FNIP1: variants seen among roughly 807,000 people sequenced by gnomAD.
FNIP1 encodes folliculin-interacting protein 1.
Under a neutral mutation model 124.5 loss-of-function variants are expected in FNIP1, and 40 were observed. The observed-to-expected ratio is 0.32, with a 90% confidence interval of 0.25 to 0.42. The LOEUF (loss-of-function observed/expected upper bound fraction) is 0.42. Ranked by LOEUF, FNIP1 falls within the 10% of genes least tolerant of loss-of-function variation. The pLI is 1.00. For synonymous variants in FNIP1, 472 were observed against 470.6 expected (o/e 1.00, Z -0.04); for missense variants, 1,176 against 1,403.7 (o/e 0.84, Z 2.59).
At chr5:131,696,876 T>C (rs1580763676) in intron 11 of FNIP1, among the ~76,000 whole-genome samples, 1 of 152,248 alleles carries the variant, frequency 6.6e-6, no homozygotes, top group East Asian at 1.9e-4. Context: ...CTAAACATTA[T>C]GATGCATAAA....
intron 9 of FNIP1, among the ~76,000 whole-genome samples, chr5:131,705,572 T>C (rs991511966): frequency 2.6e-5 from 4 of 152,108 alleles, no homozygotes; most frequent in African/African-American, 4.8e-5. Context: ...ATGGCTATTA[T>C]CAAAAAAACA....
intron 15 of FNIP1, among the ~76,000 whole-genome samples, chr5:131,658,736 G>A (rs40990): frequency 0.63 from 95,194 of 151,464 alleles, 31,668 homozygotes; most frequent in Non-Finnish European, 0.75. Flanking sequence ...GGCTTTCAGG[G>A]GGGCAAGGGA....
intron 13 of FNIP1, among the ~76,000 whole-genome samples, chr5:131,675,254 T>C (rs1287917520): frequency 6.6e-6 from 1 of 152,200 alleles, no homozygotes; most frequent in Non-Finnish European, 1.5e-5. Context: ...TGGACAAAAG[T>C]AGGCTCCCCT....
chr5:131,649,125 T>C (rs530111974), intron 16 of FNIP1, among the ~76,000 whole-genome samples: 1 of 152,294 alleles, frequency 6.6e-6, no homozygotes, highest in South Asian at 2.1e-4. Context: ...TGAACAAGAG[T>C]ATATACTGCC....
At chr5:131,754,176 C>T (rs1461096837) in intron 1 of FNIP1, among the ~76,000 whole-genome samples, 1 of 152,168 alleles carries the variant, frequency 6.6e-6, no homozygotes, top group Admixed American at 6.5e-5. Context: ...GAATATTTCT[C>T]TGTCACATTC....
intron 15 of FNIP1, among the ~76,000 whole-genome samples, chr5:131,669,615 A>G (rs1416210394): frequency 1.3e-5 from 2 of 152,188 alleles, no homozygotes; most frequent in South Asian, 2.1e-4. Context: ...GAGAAAAAGC[A>G]TATGACAAAA....
chr5:131,715,147 T>C (rs561597160), intron 6 of FNIP1, among the ~76,000 whole-genome samples: 1 of 152,336 alleles, frequency 6.6e-6, no homozygotes, highest in African/African-American at 2.4e-5. Flanking sequence ...ACCTCTATAG[T>C]ATAATTTACC....
intron 17 of FNIP1, among the ~76,000 whole-genome samples, chr5:131,645,799 T>C (rs1050019593): frequency 6.6e-6 from 1 of 152,120 alleles, no homozygotes; most frequent in Non-Finnish European, 1.5e-5. Context: ...TAGACAGCCA[T>C]TAGGAAGAAT....
intron 3 of FNIP1, among the ~76,000 whole-genome samples, chr5:131,727,658 G>A (rs1207960682): frequency 6.6e-6 from 1 of 152,074 alleles, no homozygotes; most frequent in South Asian, 2.1e-4. Context: ...CTCTTAACAG[G>A]GGCATTTAGC....
chr5:131,794,736 T>TG (rs1772522291), intron 1 of FNIP1, among the ~76,000 whole-genome samples: 1 of 152,068 alleles, frequency 6.6e-6, no homozygotes, highest in African/African-American at 2.4e-5. Flanking sequence ...AGGTTGACAG[T>TG]GTATTAAGCG....
chr5:131,666,648 A>G (rs1767611991), intron 15 of FNIP1, among the ~76,000 whole-genome samples: 1 of 152,224 alleles, frequency 6.6e-6, no homozygotes, highest in African/African-American at 2.4e-5. Flanking sequence ...AAAGATAACA[A>G]TAATAAGTAC....
In FNIP1 at chr5:131,744,544, A is replaced by G; in HGVS notation, c.219+20T>C. The stretch of plus-strand genomic sequence containing the variant: ...AAATGTTCAACATTAAAAGTCAACC[A>G]AATCAATAATGATGCTCACCGATAC... On this transcript the variant is annotated intron_variant, in intron 2 of 17. Coordinates refer to ENST00000510461, the MANE Select transcript of FNIP1 (RefSeq NM_133372.3). The G allele has an allele frequency of 1.9e-6, 3 of 1,573,368 alleles. No individual in the cohort carries two copies. The highest frequency in any genetic ancestry group is 1.7e-6 in the Non-Finnish European group (2 of 1,158,956).
rs539571381 is a variant in FNIP1, at chr5:131,652,140, G to T, written c.3109-141C>A. 740 of 704,020 alleles carry T rather than the reference G, an allele frequency of 1.1e-3. 1 individual carries two copies. The highest frequency in any genetic ancestry group is 1.9e-3 in the Admixed American group (66 of 33,864). 43.6% of individuals were successfully genotyped at this position (704,020 alleles called of 1,614,324 possible). The stretch of plus-strand genomic sequence containing the variant: ...ATTTCAATATCTCCTTGACCAAGAA[G>T]AATAATTAACTCATTAACAAATACC... On this transcript the variant is annotated intron_variant, in intron 15 of 17. Transcript: ENST00000510461.
intron 15 of FNIP1, among the ~76,000 whole-genome samples, chr5:131,653,038 T>G (rs1767086191): frequency 6.6e-6 from 1 of 152,166 alleles, no homozygotes; most frequent in East Asian, 1.9e-4. Flanking sequence ...TAAGATTCTG[T>G]GCTAACTATC....
intron 1 of FNIP1, among the ~76,000 whole-genome samples, chr5:131,769,456 C>T (rs1428663949): frequency 2.0e-5 from 3 of 152,180 alleles, no homozygotes; most frequent in Admixed American, 1.3e-4. Flanking sequence ...TAGTGGCATC[C>T]TATTTCTCTT....
At chr5:131,767,132 G>T (rs1194571026) in intron 1 of FNIP1, among the ~76,000 whole-genome samples, 2 of 152,008 alleles carry the variant, frequency 1.3e-5, no homozygotes, top group Non-Finnish European at 2.9e-5. Context: ...CCTACTATCA[G>T]GCTTAAAAGA....
At chr5:131,664,434 G>A (rs1463642794) in intron 15 of FNIP1, among the ~76,000 whole-genome samples, 1 of 151,786 alleles carries the variant, frequency 6.6e-6, no homozygotes, top group Admixed American at 6.6e-5. Flanking sequence ...TCCAGAGTTC[G>A]AGACCAGCCT....
At chr5:131,717,279 T>C (rs992055528) in intron 5 of FNIP1, among the ~76,000 whole-genome samples, 2 of 152,120 alleles carry the variant, frequency 1.3e-5, no homozygotes, top group African/African-American at 2.4e-5. Context: ...AGAATGACGG[T>C]TTCCAGCTTC....
rs530391485 is a variant in FNIP1 at position 131,682,576 on chromosome 5, G to C, written c.1203-3401C>G. Among the ~76,000 whole-genome samples, 8 of 152,182 alleles carry C rather than the reference G, an allele frequency of 5.3e-5. No homozygotes were observed. In the East Asian group the frequency reaches 1.5e-3, roughly 29 times the overall value. On this transcript the variant is annotated intron_variant, in intron 11 of 17. Coordinates refer to ENST00000510461, the MANE Select transcript of FNIP1 (RefSeq NM_133372.3). ...TACTAAAAATACAAAAATTAGCTGGGTGTGGTGGTGAGTGCCTGTAATTCC... is the reference window on the plus strand; with the variant it reads ...TACTAAAAATACAAAAATTAGCTGGCTGTGGTGGTGAGTGCCTGTAATTCC...
Sources: gnomAD v4.1 joint callset for allele counts (sites outside exome capture counted in the v4.1 genomes callset) on GRCh38, gnomAD v4.1.1 for gene constraint, MANE v1.5 for transcripts, NCBI Gene and HGNC (gene_info 2026-07-23, HGNC 2026-07-21) for gene names.